TCF7L2: variants seen among roughly 807,000 people sequenced by gnomAD.
TCF7L2 encodes transcription factor 7-like 2.
In TCF7L2, 23 loss-of-function variants were observed where a neutral mutation model predicts 77.9. The ratio of observed to expected loss-of-function variants is 0.30; its 90% CI spans 0.21 to 0.42. The LOEUF is 0.42. TCF7L2 is among the 10% of genes least tolerant of loss of function. TCF7L2 has a pLI of 1.00. For missense variants in TCF7L2, 654 were observed against 793.1 expected, an observed-to-expected ratio of 0.82 and a Z score of 2.11; for synonymous variants, 413 against 340.2, an observed-to-expected ratio of 1.21 and a Z score of -2.36.
chr10:112,989,470 G>A (rs917808471), intron 4 of TCF7L2, among the ~76,000 whole-genome samples: 1 of 148,888 alleles, frequency 6.7e-6, no homozygotes, highest in Admixed American at 6.6e-5. Flanking sequence ...TCTTATATGA[G>A]CAGGAAGAAA....
chr10:112,998,633 C>T (rs998406776), intron 4 of TCF7L2, among the ~76,000 whole-genome samples: 3 of 152,090 alleles, frequency 2.0e-5, no homozygotes, highest in Admixed American at 6.5e-5. Flanking sequence ...AGTTTTCAGA[C>T]GAGAAACCAC....
chr10:113,024,928 C>A (rs927516505), intron 4 of TCF7L2, among the ~76,000 whole-genome samples: 11 of 151,974 alleles, frequency 7.2e-5, no homozygotes, highest in African/African-American at 2.4e-4. Flanking sequence ...CTTATATAAA[C>A]CTTAGGTAAT....
chr10:113,056,747 G>T (rs1475718911), intron 5 of TCF7L2, among the ~76,000 whole-genome samples: 1 of 152,192 alleles, frequency 6.6e-6, no homozygotes, highest in Admixed American at 6.5e-5. Flanking sequence ...TGTAGCATGG[G>T]TTTTTTACAA....
At chr10:113,138,796 C>T (rs1203581009) in intron 5 of TCF7L2, among the ~76,000 whole-genome samples, 2 of 152,114 alleles carry the variant, frequency 1.3e-5, no homozygotes, top group Non-Finnish European at 2.9e-5. Context: ...AAGAACCACC[C>T]ACAACACCCA....
intron 4 of TCF7L2, among the ~76,000 whole-genome samples, 195 bp downstream of exon 4, chr10:112,964,819 G>GAT (rs1357611116): frequency 7.2e-6 from 1 of 138,588 alleles, no homozygotes; most frequent in African/African-American, 2.7e-5. Flanking sequence ...TGGTGGGGGG[G>GAT]GGTTGAATCA....
chr10:113,024,554 G>T (rs1279796472), intron 4 of TCF7L2, among the ~76,000 whole-genome samples: 1 of 151,328 alleles, frequency 6.6e-6, no homozygotes, highest in Admixed American at 6.6e-5. Flanking sequence ...TATACATAAT[G>T]AGATATCCTG....
rs528602572 is a variant in TCF7L2, at chr10:112,970,672, T to C, written c.450+6048T>C. Among the ~76,000 whole-genome samples, 5 of 152,264 alleles carry C rather than the reference T, an allele frequency of 3.3e-5. No individual in the cohort carries two copies. In the South Asian group the frequency reaches 1.0e-3, roughly 32 times the overall value. ...CATTGAAGAATGAGGTGGCAGTGTT[T>C]GCAGGGCGCTTGACTTTCTCCCACT... On this transcript the variant is annotated intron_variant, in intron 4 of 13. Coordinates refer to ENST00000627217, the MANE Select transcript of TCF7L2 (RefSeq NM_001146274.2).
chr10:112,995,743 C>T (rs2043349158), intron 4 of TCF7L2, among the ~76,000 whole-genome samples: 1 of 152,166 alleles, frequency 6.6e-6, no homozygotes, highest in Non-Finnish European at 1.5e-5. Flanking sequence ...CTGAGAGTCA[C>T]TGCTTGCTGG....
At chr10:113,043,513 G>T (rs563310248) in intron 5 of TCF7L2, among the ~76,000 whole-genome samples, 1 of 152,138 alleles carries the variant, frequency 6.6e-6, no homozygotes, top group Non-Finnish European at 1.5e-5. Flanking sequence ...CAACAGGGAC[G>T]ATGCCTTCAT....
intron 12 of TCF7L2, chr10:113,158,674 C>T (rs751331129): frequency 1.9e-5 from 31 of 1,613,562 alleles, no homozygotes; most frequent in Non-Finnish European, 2.4e-5. Context: ...CAGAACACAG[C>T]GAATGTTTCC....
At chr10:113,024,616 C>CT (rs377705347) in intron 4 of TCF7L2, among the ~76,000 whole-genome samples, 20,134 of 124,760 alleles carry the variant, frequency 0.16, 2,280 homozygotes, top group Middle Eastern at 0.24. Flanking sequence ...TATATAAACC[C>CT]TTTTTTTTTT....
chr10:112,987,671 A>G (rs955141389), intron 4 of TCF7L2: 3 of 152,020 alleles, frequency 2.0e-5, no homozygotes, highest in African/African-American at 7.2e-5. Context: ...GATGAACCTC[A>G]CAGGCAGGTT....
intron 5 of TCF7L2, among the ~76,000 whole-genome samples, chr10:113,090,363 T>C (rs1019257386): frequency 6.6e-6 from 1 of 152,204 alleles, no homozygotes; most frequent in Non-Finnish European, 1.5e-5. Context: ...AAACATTTAT[T>C]GTATACCTAT....
At chr10:112,986,282 TTGCC>T (rs1203697698) in intron 4 of TCF7L2, among the ~76,000 whole-genome samples, 1 of 152,142 alleles carries the variant, frequency 6.6e-6, no homozygotes, top group Non-Finnish European at 1.5e-5. Flanking sequence ...TCTTCCTCTC[TTGCC>T]TTTCCTCCTT....
intron 5 of TCF7L2, among the ~76,000 whole-genome samples, chr10:113,113,579 C>A (rs2063394224): frequency 6.6e-6 from 1 of 152,120 alleles, no homozygotes; most frequent in African/African-American, 2.4e-5. Context: ...GTGTTCACCC[C>A]CTTTAGAATT....
At chr10:113,107,752 TAAAAAAAAAA>T (rs398014821) in intron 5 of TCF7L2, among the ~76,000 whole-genome samples, 31 of 55,250 alleles carry the variant, frequency 5.6e-4, no homozygotes, top group Non-Finnish European at 8.2e-4. Context: ...AGACTCCGTC[TAAAAAAAAAA>T]AAAAAAAAAA....
chr10:113,152,259 C>T (rs1206564592), intron 10 of TCF7L2, 74 bp from the exon 11 acceptor site: 45 of 1,296,450 alleles, frequency 3.5e-5, no homozygotes, highest in Admixed American at 1.0e-4. Context: ...CTGACCTTGG[C>T]GTAATGTGTG....
intron 4 of TCF7L2, among the ~76,000 whole-genome samples, chr10:113,028,936 C>T (rs1001039547): frequency 3.3e-5 from 5 of 152,230 alleles, no homozygotes; most frequent in African/African-American, 1.2e-4. Context: ...CGTCTCTTAA[C>T]AATTTCCATG....
intron 4 of TCF7L2, among the ~76,000 whole-genome samples, chr10:113,032,839 A>G (rs943490482): frequency 2.6e-5 from 4 of 152,212 alleles, no homozygotes; most frequent in African/African-American, 9.7e-5. Context: ...GAACTCTAAA[A>G]TACCCTCTAA....
Sources: gnomAD v4.1 joint callset for allele counts (sites outside exome capture counted in the v4.1 genomes callset) on GRCh38, gnomAD v4.1.1 for gene constraint, MANE v1.5 for transcripts, NCBI Gene and HGNC (gene_info 2026-07-23, HGNC 2026-07-21) for gene names.